Variants in NRG3 observed in about 807,000 individuals in gnomAD.
NRG3 encodes the protein neuregulin 3.
Under a neutral mutation model 66.9 loss-of-function variants are expected in NRG3, and 31 were observed. That is an observed-to-expected ratio of 0.46 (90% CI 0.35 to 0.63). The LOEUF is 0.63. Among genes scored for constraint, NRG3 ranks in the 20% least tolerant of loss-of-function variants. NRG3 has a pLI of 0.00. For missense variants in NRG3, 910 were observed against 878.9 expected, an observed-to-expected ratio of 1.04 and a Z score of -0.45; for synonymous variants, 393 against 359.4, an observed-to-expected ratio of 1.09 and a Z score of -1.06.
intron 1 of NRG3, among the ~76,000 whole-genome samples, chr10:82,273,632 A>T (rs991696657): frequency 6.6e-6 from 1 of 151,966 alleles, no homozygotes; most frequent in Non-Finnish European, 1.5e-5. Context: ...ATTTTAAAAA[A>T]TTTTCTTAAT....
intron 2 of NRG3, among the ~76,000 whole-genome samples, chr10:82,581,742 T>A (rs552160213): frequency 5.9e-5 from 9 of 152,168 alleles, no homozygotes; most frequent in African/African-American, 1.9e-4. Context: ...TGGCAAATTT[T>A]GTGTTATGTG....
At chr10:81,913,345 T>A (rs927922813) in intron 1 of NRG3, among the ~76,000 whole-genome samples, 2 of 152,180 alleles carry the variant, frequency 1.3e-5, no homozygotes, top group Non-Finnish European at 2.9e-5. Context: ...TATTACTGTC[T>A]TTTTAAGTTC....
intron 1 of NRG3, among the ~76,000 whole-genome samples, chr10:82,074,296 T>C (rs1028567317): frequency 1.3e-5 from 2 of 152,054 alleles, no homozygotes; most frequent in Non-Finnish European, 2.9e-5. Context: ...TGGAAGAGGA[T>C]TGGGGATCCC....
intron 1 of NRG3, among the ~76,000 whole-genome samples, chr10:82,102,647 C>A (rs2066831265): frequency 6.6e-6 from 1 of 151,776 alleles, no homozygotes; most frequent in Admixed American, 6.6e-5. Flanking sequence ...TAAATATACA[C>A]ACACAGTATG....
intron 2 of NRG3, among the ~76,000 whole-genome samples, chr10:82,607,786 A>G (rs574187647): frequency 3.9e-5 from 6 of 152,106 alleles, no homozygotes; most frequent in Admixed American, 1.3e-4. Flanking sequence ...AGTTTGCAAT[A>G]TACATTTATA....
intron 1 of NRG3, among the ~76,000 whole-genome samples, chr10:82,184,768 T>C (rs542972381): frequency 6.6e-6 from 1 of 152,236 alleles, no homozygotes; most frequent in African/African-American, 2.4e-5. Flanking sequence ...ATGGGACTTA[T>C]CTTTGGGCTT....
At chr10:82,388,011 G>A (rs2086119065) in intron 2 of NRG3, among the ~76,000 whole-genome samples, 2 of 152,006 alleles carry the variant, frequency 1.3e-5, no homozygotes, top group African/African-American at 2.4e-5. Context: ...ACAATGAAGG[G>A]CAATCTGTTT....
chr10:81,921,325 G>T (rs988103194), intron 1 of NRG3, among the ~76,000 whole-genome samples: 1 of 151,786 alleles, frequency 6.6e-6, no homozygotes, highest in African/African-American at 2.4e-5. Flanking sequence ...AATCCTGGAG[G>T]TATTTATACT....
intron 4 of NRG3, among the ~76,000 whole-genome samples, chr10:82,930,003 G>A (rs1245598716): frequency 6.6e-6 from 1 of 152,144 alleles, no homozygotes; most frequent in African/African-American, 2.4e-5. Context: ...AGTGGCAATA[G>A]AGCATCCAGA....
intron 2 of NRG3, among the ~76,000 whole-genome samples, chr10:82,517,054 A>G (rs146897537): frequency 6.6e-6 from 1 of 152,322 alleles, no homozygotes; most frequent in African/African-American, 2.4e-5. Context: ...GATGCTTCCT[A>G]TGCAAATAAA....
intron 3 of NRG3, among the ~76,000 whole-genome samples, chr10:82,807,192 A>G (rs2061325218): frequency 6.6e-6 from 1 of 152,190 alleles, no homozygotes; most frequent in African/African-American, 2.4e-5. Context: ...ACATCTGTCA[A>G]AGTACATAAA....
At chr10:82,424,308 GTTA>G (rs1316607600) in intron 2 of NRG3, among the ~76,000 whole-genome samples, 1 of 151,930 alleles carries the variant, frequency 6.6e-6, no homozygotes, top group African/African-American at 2.4e-5. Context: ...TTCATCCACA[GTTA>G]TTATTGTCTG....
At chr10:82,953,998 G>T (rs1849787268) in intron 5 of NRG3, among the ~76,000 whole-genome samples, 1 of 151,296 alleles carries the variant, frequency 6.6e-6, no homozygotes, top group Non-Finnish European at 1.5e-5. Context: ...AAAGGGCATA[G>T]CAAAGTGTTT....
At chr10:82,479,418 G>A (rs1349250449) in intron 2 of NRG3, among the ~76,000 whole-genome samples, 1 of 151,678 alleles carries the variant, frequency 6.6e-6, no homozygotes, top group Non-Finnish European at 1.5e-5. Context: ...AAAAAAACTG[G>A]CCGGGCGCGG....
intron 1 of NRG3, among the ~76,000 whole-genome samples, chr10:82,291,771 CA>C (rs2134611625): frequency 6.6e-6 from 1 of 152,160 alleles, no homozygotes; most frequent in East Asian, 1.9e-4. Flanking sequence ...AACAATCAAA[CA>C]AACAAAAAAC....
At chr10:82,125,378 A>C (rs1406866765) in intron 1 of NRG3, among the ~76,000 whole-genome samples, 2 of 152,038 alleles carry the variant, frequency 1.3e-5, no homozygotes, top group Non-Finnish European at 2.9e-5. Context: ...CATTATTTTA[A>C]ATCATTCAGT....
chr10:82,590,542 T>C (rs2046922389), intron 2 of NRG3, among the ~76,000 whole-genome samples: 1 of 152,170 alleles, frequency 6.6e-6, no homozygotes, highest in Non-Finnish European at 1.5e-5. Context: ...TACCACGGGC[T>C]TGTTAGAACT....
chr10:82,267,610 T>A (rs560737750), intron 1 of NRG3, among the ~76,000 whole-genome samples: 2 of 152,220 alleles, frequency 1.3e-5, no homozygotes, highest in Non-Finnish European at 2.9e-5. Context: ...AACTCACAGA[T>A]GGAATGACTA....
At chr10:82,423,066 A>G (rs1373609754) in intron 2 of NRG3, among the ~76,000 whole-genome samples, 1 of 151,978 alleles carries the variant, frequency 6.6e-6, no homozygotes, top group Non-Finnish European at 1.5e-5. Context: ...GAGTTTGTGC[A>G]CATCAATAGA....
Sources: allele counts gnomAD v4.1 joint callset (sites outside exome capture counted in the v4.1 genomes callset), GRCh38; gene constraint gnomAD v4.1.1; transcripts MANE v1.5; gene names NCBI Gene and HGNC (gene_info 2026-07-23, HGNC 2026-07-21).